The following CTDSPL2 variants were observed in gnomAD, a reference collection of about 807,000 sequenced individuals.
CTDSPL2 encodes CTD small phosphatase-like protein 2.
A neutral mutation model predicts 60.0 loss-of-function variants in CTDSPL2; 5 were observed. That is an observed-to-expected ratio of 0.08 (90% CI 0.04 to 0.18). The LOEUF is 0.18. CTDSPL2 is among the 10% of genes least tolerant of loss of function. The pLI is 1.00. For synonymous variants in CTDSPL2, 186 were observed against 189.3 expected, an observed-to-expected ratio of 0.98 and a Z score of 0.14; for missense variants, 370 against 548.8, an observed-to-expected ratio of 0.67 and a Z score of 3.26.
intron 1 of CTDSPL2, among the ~76,000 whole-genome samples, chr15:44,431,716 G>GTTTTTTTTTTTTTTTT (rs886785067): frequency 3.0e-5 from 4 of 133,624 alleles, no homozygotes; most frequent in African/African-American, 2.8e-5. Flanking sequence ...TTGTTTGTTT[G>GTTTTTTTTTTTTTTTT]TTTTTTTTTT....
intron 8 of CTDSPL2, among the ~76,000 whole-genome samples, chr15:44,502,897 C>G (rs1408020428): frequency 6.6e-6 from 1 of 151,942 alleles, no homozygotes; most frequent in Non-Finnish European, 1.5e-5. Flanking sequence ...ATGATACGTA[C>G]TCTTCTTTTG....
intron 2 of CTDSPL2, among the ~76,000 whole-genome samples, chr15:44,474,781 G>T (rs1046422813): frequency 6.6e-6 from 1 of 151,844 alleles, no homozygotes; most frequent in Non-Finnish European, 1.5e-5. Context: ...GCTTGAACCC[G>T]GGAGGCAGAG....
intron 2 of CTDSPL2, among the ~76,000 whole-genome samples, chr15:44,459,863 G>A (rs985098035): frequency 1.3e-5 from 2 of 152,182 alleles, no homozygotes; most frequent in South Asian, 4.1e-4. Context: ...TCTAACATTT[G>A]TATGATGAAG....
chr15:44,501,668 T>C (rs1325153374), intron 8 of CTDSPL2, among the ~76,000 whole-genome samples: 1 of 152,156 alleles, frequency 6.6e-6, no homozygotes, highest in African/African-American at 2.4e-5. Context: ...GAAAAATAAA[T>C]GATCTAGCCT....
intron 2 of CTDSPL2, among the ~76,000 whole-genome samples, chr15:44,472,717 G>A (rs1283458379): frequency 2.6e-5 from 4 of 152,148 alleles, no homozygotes; most frequent in African/African-American, 9.7e-5. Flanking sequence ...CCGCTGGAGT[G>A]CAGTGGCGCA....
intron 2 of CTDSPL2, among the ~76,000 whole-genome samples, chr15:44,478,030 A>G (rs899533514): frequency 3.9e-5 from 6 of 152,114 alleles, no homozygotes; most frequent in South Asian, 2.1e-4. Flanking sequence ...TACTCATTAC[A>G]TGCTATCCTT....
chr15:44,464,864 C>A (rs1479814055), intron 2 of CTDSPL2, among the ~76,000 whole-genome samples: 2 of 152,136 alleles, frequency 1.3e-5, no homozygotes, highest in African/African-American at 2.4e-5. Context: ...TGCCACCACA[C>A]CTGGCTACTT....
intron 1 of CTDSPL2, among the ~76,000 whole-genome samples, chr15:44,430,260 G>T (rs1441378221): frequency 6.6e-6 from 1 of 152,038 alleles, no homozygotes; most frequent in African/African-American, 2.4e-5. Flanking sequence ...TGAGTAAAAT[G>T]GCATTTATTT....
intron 1 of CTDSPL2, among the ~76,000 whole-genome samples, chr15:44,433,575 C>T (rs1290276569): frequency 1.3e-5 from 2 of 151,786 alleles, no homozygotes; most frequent in African/African-American, 4.8e-5. Flanking sequence ...CTCCGCCTCC[C>T]TGGTTCAAGT....
chr15:44,513,538 C>G (rs1367926082), intron 8 of CTDSPL2, among the ~76,000 whole-genome samples: 1 of 152,118 alleles, frequency 6.6e-6, no homozygotes, highest in African/African-American at 2.4e-5. Flanking sequence ...CTAAAACATT[C>G]CTAGAACTAG....
At chr15:44,435,906 C>A (rs1337983831) in intron 1 of CTDSPL2, among the ~76,000 whole-genome samples, 1 of 152,100 alleles carries the variant, frequency 6.6e-6, no homozygotes, top group Non-Finnish European at 1.5e-5. Flanking sequence ...CGCACCTGGC[C>A]AAGTTGATAT....
At chr15:44,441,971 G>T (rs749875945) in intron 1 of CTDSPL2, among the ~76,000 whole-genome samples, 1 of 152,084 alleles carries the variant, frequency 6.6e-6, no homozygotes, top group Non-Finnish European at 1.5e-5. Context: ...TGGTTAGATC[G>T]ATTGATAGTG....
chr15:44,468,158 T>G (rs79467958), intron 2 of CTDSPL2, among the ~76,000 whole-genome samples: 1 of 152,312 alleles, frequency 6.6e-6, no homozygotes, highest in East Asian at 1.9e-4. Context: ...CACTGTTGAA[T>G]TCTGGAGTGG....
intron 2 of CTDSPL2, 139 bp from the exon 3 acceptor site, chr15:44,484,084 TA>T (rs2081077152): frequency 1.4e-6 from 1 of 690,230 alleles, no homozygotes; most frequent in Non-Finnish European, 2.3e-6. Context: ...GTGTTGATAT[TA>T]CCTATAATTG....
intron 3 of CTDSPL2, 34 bp downstream of exon 3, chr15:44,484,396 T>G: frequency 6.3e-7 from 1 of 1,590,082 alleles, no homozygotes; most frequent in Non-Finnish European, 8.6e-7. Context: ...TTTATTTAGG[T>G]GTAAGCAGAG....
intron 5 of CTDSPL2, among the ~76,000 whole-genome samples, chr15:44,492,157 T>C (rs2081226464): frequency 6.6e-6 from 1 of 152,020 alleles, no homozygotes; most frequent in African/African-American, 2.4e-5. Flanking sequence ...CTGTGAGCCA[T>C]TGCGCCCGGC....
At chr15:44,448,284 G>C in intron 1 of CTDSPL2, 1 of 282,116 alleles carries the variant, frequency 3.5e-6, no homozygotes, top group Non-Finnish European at 7.2e-6. Context: ...GGATGCTAGA[G>C]GCCATTTGGT....
At chr15:44,524,014 C>G (rs923476553) in intron 12 of CTDSPL2, 95 bp from the exon 13 acceptor site, 6 of 887,760 alleles carry the variant, frequency 6.8e-6, no homozygotes, top group African/African-American at 1.7e-5. Context: ...AAAATAAAAA[C>G]TGGTATGTTT....
At chr15:44,440,436 T>G (rs1192081525) in intron 1 of CTDSPL2, among the ~76,000 whole-genome samples, 2 of 152,154 alleles carry the variant, frequency 1.3e-5, no homozygotes, top group African/African-American at 4.8e-5. Flanking sequence ...CCTCAGGTGA[T>G]CTGCCTGCCT....
Sources: gnomAD v4.1 joint callset for allele counts (sites outside exome capture counted in the v4.1 genomes callset) on GRCh38, gnomAD v4.1.1 for gene constraint, MANE v1.5 for transcripts, NCBI Gene and HGNC (gene_info 2026-07-23, HGNC 2026-07-21) for gene names.